EPC1: variants seen among roughly 807,000 people sequenced by gnomAD.
EPC1 encodes the protein enhancer of polycomb 1.
In EPC1, 12 loss-of-function variants were observed where a neutral mutation model predicts 98.4. That is an observed-to-expected ratio of 0.12 (90% CI 0.08 to 0.20). EPC1 has a LOEUF of 0.20. Ranked by LOEUF, EPC1 falls within the 10% of genes least tolerant of loss-of-function variation. The pLI is 1.00. For missense variants in EPC1, 729 were observed against 990.5 expected (o/e 0.74, Z 3.54); for synonymous variants, 357 against 363.9 (o/e 0.98, Z 0.21).
chr10:32,354,147 A>T (rs145853081), intron 1 of EPC1, among the ~76,000 whole-genome samples: 182 of 152,362 alleles, frequency 1.2e-3, no homozygotes, highest in African/African-American at 4.0e-3. Context: ...TTTAGAAACA[A>T]TATATCTGTA....
chr10:32,287,702 C>T (rs980460610), intron 6 of EPC1, among the ~76,000 whole-genome samples: 4 of 151,906 alleles, frequency 2.6e-5, no homozygotes, highest in Non-Finnish European at 5.9e-5. Flanking sequence ...AAAATGTCTT[C>T]GTATACACAG....
intron 1 of EPC1, among the ~76,000 whole-genome samples, chr10:32,376,524 A>G (rs2133132423): frequency 6.6e-6 from 1 of 152,202 alleles, no homozygotes; most frequent in African/African-American, 2.4e-5. Context: ...TTTACATTTT[A>G]TGAATAGCTA....
chr10:32,350,322 A>G (rs1482485120), upstream of EPC1, among the ~76,000 whole-genome samples: 2 of 152,216 alleles, frequency 1.3e-5, no homozygotes, highest in Non-Finnish European at 2.9e-5. Flanking sequence ...CCAAGTGGCA[A>G]GGCAGTATAA....
intron 1 of EPC1, among the ~76,000 whole-genome samples, chr10:32,361,925 AC>A (rs1379061201): frequency 1.3e-5 from 2 of 152,150 alleles, no homozygotes; most frequent in African/African-American, 4.8e-5. Context: ...GTTGGCTAAA[AC>A]CATCAAAACC....
chr10:32,322,616 T>C (rs1836996125), intron 1 of EPC1, among the ~76,000 whole-genome samples: 1 of 152,262 alleles, frequency 6.6e-6, no homozygotes, highest in Non-Finnish European at 1.5e-5. Flanking sequence ...CTTACTTTAT[T>C]ACATACATTG....
intron 1 of EPC1, 29 bp downstream of exon 1, chr10:32,346,734 G>A (rs774134416): frequency 6.2e-7 from 1 of 1,603,148 alleles, no homozygotes; most frequent in South Asian, 1.1e-5. Flanking sequence ...GGGCCTGACG[G>A]TGGGTCGGAC....
At chr10:32,298,184 T>C (rs1835286904) in intron 2 of EPC1, among the ~76,000 whole-genome samples, 1 of 152,170 alleles carries the variant, frequency 6.6e-6, no homozygotes, top group East Asian at 1.9e-4. Context: ...GGGTGGGAAG[T>C]ATTTGACATC....
intron 1 of EPC1, among the ~76,000 whole-genome samples, chr10:32,334,725 G>C (rs1461023396): frequency 2.0e-5 from 3 of 152,008 alleles, no homozygotes; most frequent in Non-Finnish European, 4.4e-5. Context: ...ATGTTCTCTG[G>C]GATAGTCAAA....
chr10:32,274,030 A>G (rs1835962042), intron 10 of EPC1: 1 of 151,844 alleles, frequency 6.6e-6, no homozygotes, highest in Non-Finnish European at 1.5e-5. Context: ...GTCTATGGAG[A>G]GCTCAGTTCT....
chr10:32,363,671 T>C (rs1480933813), intron 1 of EPC1, among the ~76,000 whole-genome samples: 2 of 103,230 alleles, frequency 1.9e-5, no homozygotes, highest in African/African-American at 5.3e-5. Flanking sequence ...TGCACACACA[T>C]GTATATATAC....
At chr10:32,283,035 G>C (rs1336993619) in intron 10 of EPC1, 1 of 152,156 alleles carries the variant, frequency 6.6e-6, no homozygotes, top group East Asian at 1.9e-4. Context: ...TAAATAAGCT[G>C]TTAGTCCCTA....
upstream of EPC1, among the ~76,000 whole-genome samples, chr10:32,348,052 T>C (rs1373445179): frequency 6.6e-6 from 1 of 152,170 alleles, no homozygotes; most frequent in Non-Finnish European, 1.5e-5. Flanking sequence ...ATCTAGCTCA[T>C]GATTCTGTAC....
At chr10:32,367,171 T>C (rs1289385666) in intron 1 of EPC1, among the ~76,000 whole-genome samples, 2 of 152,210 alleles carry the variant, frequency 1.3e-5, no homozygotes, top group Admixed American at 1.3e-4. Flanking sequence ...AATTTTTGTA[T>C]TTTTAGTAGA....
chr10:32,328,056 C>A (rs1379921723), intron 1 of EPC1, among the ~76,000 whole-genome samples: 2 of 22,470 alleles, frequency 8.9e-5, no homozygotes, highest in African/African-American at 9.5e-5. Context: ...AATGGGGAGG[C>A]TTGCACAGTT....
At chr10:32,352,079 C>T (rs1428378319), upstream of EPC1, among the ~76,000 whole-genome samples, 1 of 140,830 alleles carries the variant, frequency 7.1e-6, no homozygotes, top group African/African-American at 2.7e-5. Flanking sequence ...GAGTCTCGCT[C>T]TGTCGCCCAG....
intron 9 of EPC1, 84 bp from the exon 10 acceptor site, chr10:32,285,134 C>A: frequency 9.2e-7 from 1 of 1,091,780 alleles, no homozygotes. Flanking sequence ...TTACCCCCAA[C>A]TGCCAAAAGG....
At chr10:32,373,585 C>G (rs1051372623) in intron 1 of EPC1, among the ~76,000 whole-genome samples, 1 of 152,138 alleles carries the variant, frequency 6.6e-6, no homozygotes, top group Admixed American at 6.6e-5. Flanking sequence ...TCCTACAAAC[C>G]TGGCCAATGA....
chr10:32,304,462 A>G (rs188844618), intron 2 of EPC1, among the ~76,000 whole-genome samples: 6 of 152,334 alleles, frequency 3.9e-5, no homozygotes, highest in South Asian at 4.1e-4. Context: ...AATATCTATC[A>G]CACTTGTTTA....
In EPC1 at chr10:32,293,598, A is replaced by T; in HGVS notation, c.453T>A (p.Gly151=). The T allele has an allele frequency of 6.2e-7, 1 of 1,613,210 alleles. No homozygotes were observed. The highest frequency in any genetic ancestry group is 8.5e-7 in the Non-Finnish European group (1 of 1,179,634). Residue 151 remains glycine, a synonymous_variant, in exon 3 of 14, where the codon GGT becomes GGA. Coordinates refer to ENST00000319778, the MANE Select transcript of EPC1 (RefSeq NM_001272004.3). ...EMIDRLEKGS[G]QQPVSLQEAK... ...TATACAAATGAAGTTGTACCTGCTG[A>T]CCACTGCCTTTTTCTAGGCGGTCAA...
Sources: gnomAD v4.1 joint callset for allele counts (sites outside exome capture counted in the v4.1 genomes callset) on GRCh38, gnomAD v4.1.1 for gene constraint, MANE v1.5 for transcripts, NCBI Gene and HGNC (gene_info 2026-07-23, HGNC 2026-07-21) for gene names.